MBOAT1: variants seen among roughly 807,000 people sequenced by gnomAD.
The protein encoded by MBOAT1 is membrane bound glycerophospholipid O-acyltransferase 1, also known as membrane-bound glycerophospholipid O-acyltransferase 1.
A neutral mutation model predicts 64.4 loss-of-function variants in MBOAT1; 67 were observed. The observed-to-expected ratio is 1.04, with a 90% CI of 0.85 to 1.27. MBOAT1 has a LOEUF of 1.27. Ranked by LOEUF, MBOAT1 falls within the 50% of genes most tolerant of loss-of-function variation. The pLI is 0.00. For synonymous variants in MBOAT1, 229 were observed against 218.9 expected, an observed-to-expected ratio of 1.05 and a Z score of -0.41; for missense variants, 563 against 604.6, an observed-to-expected ratio of 0.93 and a Z score of 0.72.
chr6:20,151,473 G>C (rs1468094095), intron 2 of MBOAT1, among the ~76,000 whole-genome samples: 1 of 152,206 alleles, frequency 6.6e-6, no homozygotes, highest in Non-Finnish European at 1.5e-5. Context: ...TTTGCCAACT[G>C]CAGGGCTAAT....
intron 12 of MBOAT1, among the ~76,000 whole-genome samples, chr6:20,105,376 T>C (rs1234778026): frequency 2.6e-5 from 4 of 152,262 alleles, no homozygotes; most frequent in Non-Finnish European, 4.4e-5. Context: ...TTATTGATCA[T>C]GTCAGGCACT....
intron 1 of MBOAT1, among the ~76,000 whole-genome samples, chr6:20,156,187 C>T (rs1761675446): frequency 6.6e-6 from 1 of 151,142 alleles, no homozygotes; most frequent in Admixed American, 6.6e-5. Context: ...AGGAGAATGG[C>T]GCGAACCTGG....
intron 11 of MBOAT1, among the ~76,000 whole-genome samples, chr6:20,111,877 T>TACGTATATATAC (rs1204943478): frequency 7.3e-6 from 1 of 136,902 alleles, no homozygotes; most frequent in African/African-American, 2.8e-5. Flanking sequence ...TACATATATA[T>TACGTATATATAC]ATGTATATAT....
At chr6:20,102,981 T>A (rs1408340328) in intron 12 of MBOAT1, among the ~76,000 whole-genome samples, 1 of 152,260 alleles carries the variant, frequency 6.6e-6, no homozygotes, top group Non-Finnish European at 1.5e-5. Flanking sequence ...CAGCACATAC[T>A]ATTACATACA....
At chr6:20,199,837 G>C (rs7744786) in intron 1 of MBOAT1, among the ~76,000 whole-genome samples, 4,013 of 152,104 alleles carry the variant, frequency 0.026, 181 homozygotes, top group African/African-American at 0.091. Flanking sequence ...GTGTGGTGGC[G>C]GGCACCTATA....
chr6:20,141,058 G>C (rs968491972), intron 4 of MBOAT1, among the ~76,000 whole-genome samples: 1 of 152,114 alleles, frequency 6.6e-6, no homozygotes, highest in African/African-American at 2.4e-5. Context: ...ACAGGGAGTG[G>C]GGGGAGGGAG....
intron 9 of MBOAT1, among the ~76,000 whole-genome samples, chr6:20,117,569 G>A (rs1219623341): frequency 6.6e-6 from 1 of 152,208 alleles, no homozygotes; most frequent in Non-Finnish European, 1.5e-5. Flanking sequence ...CTTCCCCCAT[G>A]CCTCCTTCTG....
intron 1 of MBOAT1, among the ~76,000 whole-genome samples, chr6:20,163,810 G>A (rs893094666): frequency 6.6e-6 from 1 of 152,004 alleles, no homozygotes; most frequent in Admixed American, 6.6e-5. Flanking sequence ...AGAAAATTGG[G>A]GTACAGAGGG....
intron 1 of MBOAT1, among the ~76,000 whole-genome samples, chr6:20,171,897 G>C (rs943820940): frequency 8.6e-5 from 13 of 151,832 alleles, no homozygotes; most frequent in Non-Finnish European, 1.9e-4. Flanking sequence ...AGCCAGATGT[G>C]GTGCGCTCAC....
At chr6:20,169,590 T>C (rs1016954528) in intron 1 of MBOAT1, among the ~76,000 whole-genome samples, 1 of 148,496 alleles carries the variant, frequency 6.7e-6, no homozygotes, top group Non-Finnish European at 1.5e-5. Context: ...AGAGTCAAAG[T>C]AACTACAATT....
chr6:20,156,719 G>T (rs1761700331), intron 1 of MBOAT1, among the ~76,000 whole-genome samples: 1 of 152,246 alleles, frequency 6.6e-6, no homozygotes, highest in Admixed American at 6.5e-5. Flanking sequence ...TAATGGGAAT[G>T]TGATTTGGCT....
chr6:20,131,096 G>A, intron 5 of MBOAT1, 48 bp downstream of exon 5: 1 of 1,489,870 alleles, frequency 6.7e-7, no homozygotes, highest in South Asian at 1.1e-5. Flanking sequence ...GAAGAGCTCT[G>A]CATGTCAGGC....
chr6:20,124,333 A>G, intron 8 of MBOAT1, 75 bp downstream of exon 8: 1 of 1,469,438 alleles, frequency 6.8e-7, no homozygotes, highest in Non-Finnish European at 9.2e-7. Context: ...AGTGATCCAA[A>G]ACGTCGTTCT....
At chr6:20,184,895 GT>G (rs1175249251) in intron 1 of MBOAT1, among the ~76,000 whole-genome samples, 102 of 151,506 alleles carry the variant, frequency 6.7e-4, no homozygotes, top group Middle Eastern at 6.8e-3. Context: ...GTGTGTGTGT[GT>G]GTGTGTGTGT....
intron 1 of MBOAT1, among the ~76,000 whole-genome samples, chr6:20,160,801 T>C (rs961490991): frequency 5.3e-5 from 8 of 152,314 alleles, no homozygotes; most frequent in Non-Finnish European, 1.0e-4. Context: ...TTGATTTACT[T>C]TACACTTTCA....
chr6:20,104,695 A>C (rs1332410130), intron 12 of MBOAT1, among the ~76,000 whole-genome samples: 1 of 152,210 alleles, frequency 6.6e-6, no homozygotes, highest in Non-Finnish European at 1.5e-5. Flanking sequence ...TCATTCCCCA[A>C]CTTCTGTGAT....
At chr6:20,111,885 T>TATACATATATATACATATATATAC (rs1166548543) in intron 11 of MBOAT1, among the ~76,000 whole-genome samples, 3 of 141,002 alleles carry the variant, frequency 2.1e-5, no homozygotes, top group East Asian at 2.0e-4. Flanking sequence ...TATATGTATA[T>TATACATATATATACATATATATAC]ATATATATTC....
rs377047877 is a variant in MBOAT1 at position 20,157,147 on chromosome 6, C to T, written c.100-4378G>A. On this transcript the variant is annotated intron_variant, in intron 1 of 12. Coordinates refer to ENST00000324607, the MANE Select transcript of MBOAT1 (RefSeq NM_001080480.3). ...AAAAAATAAAAAATAAAAAAATTAGCTGGGCATGATAGTGAAAGCCTGTAA... is the reference window on the plus strand; with the variant it reads ...AAAAAATAAAAAATAAAAAAATTAGTTGGGCATGATAGTGAAAGCCTGTAA... Among the ~76,000 whole-genome samples, 31 of 152,200 alleles carry T rather than the reference C, an allele frequency of 2.0e-4. 1 individual carries two copies. The South Asian group carries it at 6.0e-3, about 30-fold the overall frequency.
intron 4 of MBOAT1, among the ~76,000 whole-genome samples, chr6:20,135,609 TA>T (rs538395224): frequency 6.5e-4 from 99 of 152,314 alleles, no homozygotes; most frequent in Admixed American, 1.4e-3. Context: ...GACAATGAGA[TA>T]ACCCAGACAT....
Sources: allele counts gnomAD v4.1 joint callset (sites outside exome capture counted in the v4.1 genomes callset), GRCh38; gene constraint gnomAD v4.1.1; transcripts MANE v1.5; gene names NCBI Gene and HGNC (gene_info 2026-07-23, HGNC 2026-07-21).